The following URI1 variants were observed in gnomAD, a reference collection of about 807,000 sequenced individuals.
URI1 encodes URI1 prefoldin like chaperone, also known as unconventional prefoldin RPB5 interactor 1.
URI1 carries 39 observed loss-of-function variants against 60.2 expected under a neutral mutation model. The observed-to-expected ratio is 0.65, with a 90% CI of 0.50 to 0.85. URI1 has a LOEUF of 0.85. Ranked by LOEUF, URI1 falls within the 40% of genes least tolerant of loss-of-function variation. The probability of loss-of-function intolerance (pLI) is 0.00; values close to 1 mark genes in which losing one functional copy is unlikely to be tolerated. For missense variants in URI1, 691 were observed against 665.9 expected, an observed-to-expected ratio of 1.04 and a Z score of -0.42; for synonymous variants, 251 against 236.8, an observed-to-expected ratio of 1.06 and a Z score of -0.55.
intron 2 of URI1, among the ~76,000 whole-genome samples, chr19:29,977,997 A>G (rs1490105411): frequency 2.0e-5 from 3 of 152,204 alleles, no homozygotes; most frequent in Admixed American, 1.3e-4. Context: ...TTTTTAAAAC[A>G]TTCCCTTTTA....
At chr19:29,941,968 T>C (rs1232386212), upstream of URI1, among the ~76,000 whole-genome samples, 1 of 151,092 alleles carries the variant, frequency 6.6e-6, no homozygotes. Flanking sequence ...GGCGTGGAGC[T>C]TCTATAGAAT....
At chr19:29,978,734 G>T (rs1250637827) in intron 2 of URI1, among the ~76,000 whole-genome samples, 2 of 152,200 alleles carry the variant, frequency 1.3e-5, no homozygotes, top group Non-Finnish European at 2.9e-5. Flanking sequence ...GTGAAAAATG[G>T]AGGCATGCCT....
chr19:29,984,302 G>A (rs563830158), intron 2 of URI1, among the ~76,000 whole-genome samples: 102 of 152,204 alleles, frequency 6.7e-4, no homozygotes, highest in African/African-American at 2.4e-3. Flanking sequence ...GGTGTCATGC[G>A]TCTGTAGTCT....
chr19:30,013,171 T>G (rs1374008151), intron 10 of URI1, among the ~76,000 whole-genome samples: 1 of 152,212 alleles, frequency 6.6e-6, no homozygotes, highest in Non-Finnish European at 1.5e-5. Context: ...GATTTCTTCA[T>G]TCTTGTGTTT....
chr19:30,013,178 G>A (rs2056044674), intron 10 of URI1, among the ~76,000 whole-genome samples: 1 of 152,164 alleles, frequency 6.6e-6, no homozygotes, highest in Admixed American at 6.5e-5. Flanking sequence ...TCATTCTTGT[G>A]TTTTGGTGCG....
Position 29,933,327 on chromosome 19 carries a change from T to C in URI1, c.63+9573T>C, listed in dbSNP as rs533682166. The stretch of plus-strand genomic sequence containing the variant: ...AGATCCAATCAGATTTTCTATTTCT[T>C]CTTGAGTTAGTTTTGGTAGTTTGTG... On this transcript the variant is annotated intron_variant, in intron 1 of 10. Coordinates refer to the URI1 transcript ENST00000360605. Among the ~76,000 whole-genome samples, 18 of 152,350 alleles carry C rather than the reference T, an allele frequency of 1.2e-4. No homozygotes were observed. In the East Asian group the frequency reaches 3.1e-3, roughly 26 times the overall value.
In URI1 at chr19:29,990,710, AAGGTGTGAGAG is replaced by A; in HGVS notation, c.367+4296_367+4306del. On this transcript the variant is annotated intron_variant, in intron 4 of 10. Transcript: ENST00000392271. ...AGAGTAGTGGCTGCTTAGGGCCAGG[AAGGTGTGAGAG>A]AGAATGGAGAGTGACTGCTAAAGAG... Among the ~76,000 whole-genome samples the A allele has an allele frequency of 1.3e-5, 2 of 152,304 alleles. 1 individual carries two copies. Among genetic ancestry groups the A allele is most frequent in the South Asian group, 4.1e-4 (2 of 4,828 alleles).
chr19:29,945,370 GCTCT>G (rs543599160), intron 1 of URI1, among the ~76,000 whole-genome samples: 7 of 151,946 alleles, frequency 4.6e-5, no homozygotes, highest in South Asian at 4.2e-4. Flanking sequence ...CAAGTTTTAC[GCTCT>G]CTCTCTCTTT....
upstream of URI1, chr19:29,942,181 G>A: frequency 1.0e-6 from 1 of 978,214 alleles, no homozygotes; most frequent in Non-Finnish European, 1.2e-6. Context: ...TGCGCGAGCT[G>A]GGCGTGTCGG....
chr19:29,949,923 TGGGGAGACGGGAG>T (rs1260370364), intron 1 of URI1, among the ~76,000 whole-genome samples: 3 of 138,166 alleles, frequency 2.2e-5, no homozygotes, highest in Non-Finnish European at 4.6e-5. Context: ...AGGGAGACTG[TGGGGAGACGGGAG>T]GGGGAGGGGG....
At chr19:29,972,630 T>C (rs1165988781) in intron 2 of URI1, among the ~76,000 whole-genome samples, 3 of 152,154 alleles carry the variant, frequency 2.0e-5, no homozygotes, top group African/African-American at 7.2e-5. Flanking sequence ...GGGCACGTTT[T>C]CATCCTTTTA....
chr19:29,993,344 A>T (rs112267952), intron 4 of URI1, among the ~76,000 whole-genome samples: 2 of 152,174 alleles, frequency 1.3e-5, no homozygotes, highest in African/African-American at 4.8e-5. Flanking sequence ...TTTGTAGATC[A>T]CTGCACACTA....
intron 1 of URI1, among the ~76,000 whole-genome samples, chr19:29,927,821 C>T (rs868609595): frequency 2.6e-5 from 4 of 151,940 alleles, no homozygotes; most frequent in Non-Finnish European, 4.4e-5. Context: ...AAGTGATCTG[C>T]CCACCTCGGC....
At chr19:29,932,135 T>A (rs2054926377) in intron 1 of URI1, among the ~76,000 whole-genome samples, 1 of 152,100 alleles carries the variant, frequency 6.6e-6, no homozygotes, top group South Asian at 2.1e-4. Flanking sequence ...TTGTTCCCAA[T>A]TTAGAGGAAA....
chr19:30,012,456 C>CA lies in URI1; in HGVS notation c.1351dup (p.Thr451AsnfsTer3). 1 of 1,614,126 alleles carries CA rather than the reference C, an allele frequency of 6.2e-7. No individual in the cohort carries two copies. Among genetic ancestry groups the CA allele is most frequent in the South Asian group, 1.1e-5 (1 of 91,078 alleles). ...GCTGCGAAGAAGCCACTTGCAGTGA[C>CA]ACCAGTGAGAGCATTTTGGAAGAGG... On this transcript the variant is annotated frameshift_variant, in exon 10 of 11. Transcript: ENST00000392271. LOFTEE classifies it high-confidence loss of function.
chr19:29,992,256 G>A (rs948229667), intron 4 of URI1, among the ~76,000 whole-genome samples: 1 of 152,136 alleles, frequency 6.6e-6, no homozygotes, highest in Non-Finnish European at 1.5e-5. Context: ...TTTTTATAGA[G>A]ATGGGGTTTC....
At chr19:29,933,787 A>G (rs569674868) in intron 1 of URI1, among the ~76,000 whole-genome samples, 172 of 150,738 alleles carry the variant, frequency 1.1e-3, no homozygotes, top group African/African-American at 4.1e-3. Flanking sequence ...GTGCTACTGC[A>G]CTCCAGCCTG....
rs768787423 is a variant in URI1, at chr19:30,015,531, T to C, written c.*462T>C. On this transcript the variant is annotated 3_prime_UTR_variant, in exon 11 of 11. Coordinates refer to ENST00000392271, the MANE Select transcript of URI1 (RefSeq NM_003796.3). ...GCACTTTAAAAAAATCTACTTCTCTTGTAGGTTTTGCGGCTAGTTGGCTAT... is the reference window on the plus strand; with the variant it reads ...GCACTTTAAAAAAATCTACTTCTCTCGTAGGTTTTGCGGCTAGTTGGCTAT... 164 of 1,534,782 alleles carry C rather than the reference T, an allele frequency of 1.1e-4. No homozygotes were observed. Among genetic ancestry groups the C allele is most frequent in the Non-Finnish European group, 1.3e-4 (149 of 1,146,278 alleles).
At chr19:29,948,590 T>C (rs1252155740) in intron 1 of URI1, among the ~76,000 whole-genome samples, 2 of 152,238 alleles carry the variant, frequency 1.3e-5, no homozygotes, top group South Asian at 2.1e-4. Context: ...AAAGCACATC[T>C]TGCACCACCC....
Sources: allele counts gnomAD v4.1 joint callset (sites outside exome capture counted in the v4.1 genomes callset), GRCh38; gene constraint gnomAD v4.1.1; transcripts MANE v1.5; gene names NCBI Gene and HGNC (gene_info 2026-07-23, HGNC 2026-07-21).